BIRC5: variants seen among roughly 807,000 people sequenced by gnomAD.
BIRC5 encodes the protein baculoviral IAP repeat-containing protein 5.
BIRC5 carries 8 observed loss-of-function variants against 15.8 expected under a neutral mutation model. That is an observed-to-expected ratio of 0.51 (90% confidence interval 0.30 to 0.91). The LOEUF is 0.91. Ranked by LOEUF, BIRC5 falls within the 40% of genes least tolerant of loss-of-function variation. The pLI, the probability that BIRC5 is intolerant of heterozygous loss-of-function variation, is 0.07. For missense variants in BIRC5, 163 were observed against 178.6 expected (o/e 0.91, Z 0.50); for synonymous variants, 56 against 64.5 (o/e 0.87, Z 0.63).
intron 2 of BIRC5, chr17:78,215,199 C>T (rs1001078706): frequency 6.0e-6 from 1 of 166,700 alleles, no homozygotes; most frequent in Non-Finnish European, 1.3e-5. Context: ...GGCGGATCAC[C>T]TGAGGTCAGG....
intron 3 of BIRC5, chr17:78,222,964 G>T: frequency 6.6e-7 from 1 of 1,511,752 alleles, no homozygotes; most frequent in South Asian, 1.3e-5. Flanking sequence ...GAAGGCTCTG[G>T]ACTTTCCTCC....
intron 3 of BIRC5, among the ~76,000 whole-genome samples, chr17:78,221,631 G>A (rs531037641): frequency 2.0e-5 from 3 of 152,060 alleles, no homozygotes; most frequent in East Asian, 1.9e-4. Flanking sequence ...CACCGCACCC[G>A]GCCTGTTTTG....
rs1278983960 is a variant in BIRC5, at chr17:78,216,785, T to G, written c.339+4T>G. On this transcript the variant is annotated splice_donor_region_variant and intron_variant, in intron 3 of 3. Transcript: ENST00000350051. ...AGAAAGAGCCAAGAACAAAATTGTA[T>G]GTATTGGGAATAAGAACTGCTCAAA... is the stretch of plus-strand genomic sequence containing the variant. The G allele has an allele frequency of 6.2e-7, 1 of 1,608,316 alleles. No individual in the cohort carries two copies. Among genetic ancestry groups the G allele is most frequent in the East Asian group, 2.2e-5 (1 of 44,856 alleles).
At chr17:78,223,364 C>G in intron 3 of BIRC5, 101 bp from the exon 4 acceptor site, 1 of 1,164,798 alleles carries the variant, frequency 8.6e-7, no homozygotes. Context: ...TTTAGGTGCT[C>G]TCTCAGTGTT....
At chr17:78,216,836 A>G in intron 3 of BIRC5, 55 bp downstream of exon 3, 1 of 1,369,488 alleles carries the variant, frequency 7.3e-7, no homozygotes, top group East Asian at 2.3e-5. Context: ...TTAGCACTAA[A>G]CTACCTAGTC....
chr17:78,218,381 C>T (rs2076494461), intron 3 of BIRC5, among the ~76,000 whole-genome samples: 1 of 151,020 alleles, frequency 6.6e-6, no homozygotes, highest in Non-Finnish European at 1.5e-5. Flanking sequence ...GCAACCTCTG[C>T]CTCCCGGGGT....
chr17:78,220,063 A>G (rs903931113), intron 3 of BIRC5, among the ~76,000 whole-genome samples: 2 of 151,826 alleles, frequency 1.3e-5, no homozygotes, highest in Non-Finnish European at 1.5e-5. Context: ...GCTCCGCTCT[A>G]GGGTTACAGG....
rs1343810502 is a variant in BIRC5 at position 78,225,553 on chromosome 17, A to G, written c.*1999A>G. Reference sequence around the variant, plus strand: ...GCTGCCCAGAAGAGACCAGCAAGCCAAACTGGAGCCCCCATTGCAGGCTGT... The same window carrying G: ...GCTGCCCAGAAGAGACCAGCAAGCCGAACTGGAGCCCCCATTGCAGGCTGT... On this transcript the variant is annotated 3_prime_UTR_variant, in exon 4 of 4. Coordinates refer to ENST00000350051, the MANE Select transcript of BIRC5 (RefSeq NM_001168.3). 6.6e-6 allele frequency: 1 copy of G among 152,374 alleles called. No individual in the cohort carries two copies. Among genetic ancestry groups the G allele is most frequent in the African/African-American group, 2.4e-5 (1 of 41,592 alleles). 9.4% of individuals were successfully genotyped at this position (152,374 alleles called of 1,614,324 possible).
chr17:78,222,806 G>A, intron 3 of BIRC5: 2 of 1,535,840 alleles, frequency 1.3e-6, no homozygotes, highest in Non-Finnish European at 1.7e-6. Context: ...ATTTGCTAAT[G>A]TGATTGTCAT....
At chr17:78,214,592 C>T (rs1442499183) in intron 1 of BIRC5, 88 bp from the exon 2 acceptor site, 3 of 1,354,702 alleles carry the variant, frequency 2.2e-6, no homozygotes, top group Admixed American at 4.7e-5. Context: ...GCCTCCCCTC[C>T]CTGCTTTGTC....
intron 3 of BIRC5, chr17:78,223,086 C>G: frequency 8.2e-7 from 1 of 1,213,932 alleles, no homozygotes; most frequent in Non-Finnish European, 1.1e-6. Flanking sequence ...CCTAGACTAG[C>G]TGGGTACTTT....
At chr17:78,220,131 A>C (rs1466351706) in intron 3 of BIRC5, among the ~76,000 whole-genome samples, 2 of 152,210 alleles carry the variant, frequency 1.3e-5, no homozygotes, top group Admixed American at 1.3e-4. Context: ...TGTGATTAAG[A>C]AAAGTAGACT....
rs1255247369 is a variant in BIRC5, at chr17:78,225,620, CAT to C, written c.*2067_*2068del. On this transcript the variant is annotated 3_prime_UTR_variant, in exon 4 of 4. Coordinates refer to ENST00000350051, the MANE Select transcript of BIRC5 (RefSeq NM_001168.3). ...TAACTCACAATTGCCAATAAAGTCT[CAT>C]GTGGTTTTATCTACTTTTTTTTTCT... The C allele has an allele frequency of 2.6e-5, 4 of 152,196 alleles. No individual in the cohort carries two copies. Among genetic ancestry groups the C allele is most frequent in the African/African-American group, 7.2e-5 (3 of 41,444 alleles). 9.4% of individuals were successfully genotyped at this position (152,196 alleles called of 1,614,324 possible). A position where few individuals can be genotyped will look rare whatever the true frequency, so the allele number is the denominator to read the frequency against.
chr17:78,221,026 G>A (rs1296431651), intron 3 of BIRC5, among the ~76,000 whole-genome samples: 1 of 152,248 alleles, frequency 6.6e-6, no homozygotes, highest in East Asian at 1.9e-4. Flanking sequence ...GCCATCCAGG[G>A]CGATGCATTG....
chr17:78,215,956 A>G (rs760358572), intron 2 of BIRC5: 5 of 1,065,986 alleles, frequency 4.7e-6, no homozygotes, highest in Non-Finnish European at 5.8e-6. Flanking sequence ...TCTGCCCTTA[A>G]TCCTTACAGT....
chr17:78,222,506 A>T (rs1033396135), intron 3 of BIRC5, among the ~76,000 whole-genome samples: 1 of 152,006 alleles, frequency 6.6e-6, no homozygotes, highest in African/African-American at 2.4e-5. Flanking sequence ...ATCTCTACTA[A>T]AAATACAAAA....
intron 3 of BIRC5, among the ~76,000 whole-genome samples, chr17:78,221,224 A>G (rs2076513196): frequency 6.6e-6 from 1 of 152,156 alleles, no homozygotes; most frequent in Non-Finnish European, 1.5e-5. Flanking sequence ...CTAGAAGGAG[A>G]GGCGAGTTGT....
chr17:78,215,851 C>T (rs1241864354), intron 2 of BIRC5: 12 of 1,044,888 alleles, frequency 1.1e-5, no homozygotes, highest in East Asian at 1.6e-4. Flanking sequence ...GTTCTGGTAA[C>T]GGTGATAGTC....
In BIRC5 at chr17:78,214,433, A is replaced by G; in HGVS notation, c.111+6A>G. On this transcript the variant is annotated splice_donor_region_variant and intron_variant, in intron 1 of 3. Transcript: ENST00000350051. ...GCGCCTGCACCCCGGAGCGGGTGAG[A>G]CTGCCCGGCCTCCTGGGGTCCCCCA... 1.3e-6 allele frequency: 2 copies of G among 1,551,582 alleles called. No individual in the cohort carries two copies. The highest frequency in any genetic ancestry group is 1.7e-6 in the Non-Finnish European group (2 of 1,147,054).
Sources: allele counts gnomAD v4.1 joint callset (sites outside exome capture counted in the v4.1 genomes callset), GRCh38; gene constraint gnomAD v4.1.1; transcripts MANE v1.5; gene names NCBI Gene and HGNC (gene_info 2026-07-23, HGNC 2026-07-21).